Variants in BTBD19 observed in about 807,000 individuals in gnomAD.
BTBD19 encodes the protein BTB/POZ domain-containing protein 19.
A neutral mutation model predicts 36.1 loss-of-function variants in BTBD19; 20 were observed. The ratio of observed to expected loss-of-function variants is 0.55; its 90% CI spans 0.39 to 0.80. BTBD19 has a LOEUF of 0.80. Ranked by LOEUF, BTBD19 falls within the 30% of genes least tolerant of loss-of-function variation. The pLI is 0.00. For missense variants in BTBD19, 325 were observed against 389.8 expected (o/e 0.83, Z 1.40); for synonymous variants, 157 against 174.3 (o/e 0.90, Z 0.78).
In BTBD19 at chr1:44,813,763, C is replaced by T; in HGVS notation, c.867C>T (p.Ser289=). The change falls in exon 8 of 8, where the codon TCC becomes TCT. Residue 289 remains serine, a synonymous_variant. Transcript: ENST00000450269. The surrounding 1 kb of genome is among the most constrained non-coding windows in gnomAD (Gnocchi z 7.8). ...AGCATCACCGCTTTCTGGACCTGTC[C>T]TTCAAATGATCCAACGCCGGGACTC... The T allele has an allele frequency of 6.4e-7, 1 of 1,551,496 alleles. No homozygotes were observed. Among genetic ancestry groups the T allele is most frequent in the Non-Finnish European group, 8.7e-7 (1 of 1,146,868 alleles).
chr1:44,810,137 G>T lies in BTBD19; in HGVS notation c.87-76G>T, dbSNP rs895360011. 1 of 1,307,776 alleles carries T rather than the reference G, an allele frequency of 7.6e-7. No individual in the cohort carries two copies. The highest frequency in any genetic ancestry group is 1.5e-5 in the African/African-American group (1 of 68,048). 81.0% of individuals were successfully genotyped at this position (1,307,776 alleles called of 1,614,324 possible). ...TCTGGTTAGGAAACTAAGACCCAGA[G>T]TGGGCAAAGGCACAGCCCAAGTTGC... On this transcript the variant is annotated intron_variant, in intron 1 of 7. Transcript: ENST00000450269. This position sits in a 1 kb window ranked among gnomAD's most constrained non-coding sequence, Gnocchi z 4.2.
chr1:44,810,868 G>A lies in BTBD19; in HGVS notation c.354+261G>A. The A allele has an allele frequency of 3.0e-6, 1 of 328,878 alleles. No individual in the cohort carries two copies. Among genetic ancestry groups the A allele is most frequent in the East Asian group, 8.4e-5 (1 of 11,924 alleles). 20.4% of individuals were successfully genotyped at this position (328,878 alleles called of 1,614,324 possible). On this transcript the variant is annotated intron_variant, in intron 3 of 7. Coordinates refer to ENST00000450269, the Ensembl canonical transcript of BTBD19. This position sits in a 1 kb window ranked among gnomAD's most constrained non-coding sequence, Gnocchi z 4.2. ...TACAAAGATATCAGCCTTGATCCGT[G>A]TTCTCCAGAGAGGGAGAGGAGACAG...
At chr1:44,814,148 C>CTCTTTCTTTCTTTCTGTCTTTCTT (rs1557635265), downstream of BTBD19, 215 of 159,376 alleles carry the variant, frequency 1.3e-3, 12 homozygotes, top group East Asian at 1.8e-3. Flanking sequence ...CTTTTTCTTT[C>CTCTTTCTTTCTTTCTGTCTTTCTT]TCTTTCTTTC....
At chr1:44,814,172 T>G (rs528701709), downstream of BTBD19, 13 of 140,716 alleles carry the variant, frequency 9.2e-5, no homozygotes, top group South Asian at 1.1e-3. Flanking sequence ...CTTTCTTTCT[T>G]TCTTTCTTTC....
intron 1 of BTBD19, 133 bp downstream of exon 1, chr1:44,809,039 A>G: frequency 1.4e-6 from 1 of 711,514 alleles, no homozygotes. Context: ...GGCTATGGGG[A>G]GGTCAAATGT....
Position 44,813,706 on chromosome 1 carries a change from G to T in BTBD19, c.810G>T (p.Pro270=). Residue 270 remains proline (P), a synonymous_variant, in exon 8 of 8, where the codon CCG becomes CCT. Coordinates refer to ENST00000450269, the Ensembl canonical transcript of BTBD19. This position sits in a 1 kb window ranked among gnomAD's most constrained non-coding sequence, Gnocchi z 7.8. ...GAGGGGATGAGGCCCGGGGCGCCCC[G>T]TGTCGCCGCCGGAGAGGCACCCTGC... 1 of 1,551,436 alleles carries T rather than the reference G, an allele frequency of 6.4e-7. No homozygotes were observed. Among genetic ancestry groups the T allele is most frequent in the Non-Finnish European group, 8.7e-7 (1 of 1,146,836 alleles).
In BTBD19 at chr1:44,813,081, ACTC is replaced by A. The variant is rs1452217018; in HGVS notation, c.483+21_483+23del. On this transcript the variant is annotated intron_variant, in intron 5 of 7. Coordinates refer to ENST00000450269, the Ensembl canonical transcript of BTBD19. The surrounding 1 kb of genome is among the most constrained non-coding windows in gnomAD (Gnocchi z 7.8). ...CACAGCCAGGTACTGCTCCCTTCAT[ACTC>A]CTCACCCTACGCACCGCATTCTGCT... is the stretch of plus-strand genomic sequence containing the variant. 2.6e-6 allele frequency: 4 copies of A among 1,548,302 alleles called. No individual in the cohort carries two copies. In the East Asian group the frequency reaches 7.4e-5, roughly 28 times the overall value.
intron 3 of BTBD19, 149 bp from the exon 4 acceptor site, chr1:44,811,890 C>T: frequency 2.0e-6 from 1 of 510,508 alleles, no homozygotes; most frequent in Non-Finnish European, 3.6e-6. Context: ...CAGGCTCTAG[C>T]AATTCCCTGC....
chr1:44,813,696 G>A lies in BTBD19; in HGVS notation c.800G>A (p.Arg267Gln), dbSNP rs375499398. 2.3e-4 allele frequency: 361 copies of A among 1,551,440 alleles called. No homozygotes were observed. Among genetic ancestry groups the A allele is most frequent in the Non-Finnish European group, 3.0e-4 (340 of 1,146,834 alleles). ...GCCCTGCGGAGAGGGGATGAGGCCC[G>A]GGGCGCCCCGTGTCGCCGCCGGAGA... Residue 267 changes from arginine (R) to glutamine (Q), a missense_variant, in exon 8 of 8, where the codon CGG becomes CAG. Coordinates refer to ENST00000450269, the Ensembl canonical transcript of BTBD19. The surrounding 1 kb of genome is among the most constrained non-coding windows in gnomAD (Gnocchi z 7.8).
chr1:44,813,174 G>C lies in BTBD19; in HGVS notation c.520G>C (p.Ala174Pro). Reference sequence around the variant, plus strand: ...GACCCGAGGCTTCCTGGAGCTGTCGGCGGCCGCGCTGCTGCCCCTGCTCCG... The same window carrying C: ...GACCCGAGGCTTCCTGGAGCTGTCGCCGGCCGCGCTGCTGCCCCTGCTCCG... Residue 174 changes from alanine (A) to proline (P), a missense_variant, in exon 6 of 8, where the codon GCG becomes CCG. Coordinates refer to ENST00000450269, the Ensembl canonical transcript of BTBD19. This position sits in a 1 kb window ranked among gnomAD's most constrained non-coding sequence, Gnocchi z 7.8. 6.5e-6 allele frequency: 10 copies of C among 1,540,172 alleles called. No homozygotes were observed. Among genetic ancestry groups the C allele is most frequent in the Non-Finnish European group, 8.7e-6 (10 of 1,144,698 alleles).
rs551225623 is a variant in BTBD19 at position 44,810,228 on chromosome 1, G to T, written c.102G>T (p.Val34=). ...TCTCCCACAGTGATGTTTGCTTCGT[G>T]GTTGGTCAAGAACGGCAGGAGGTAT... Residue 34 remains valine (V), a synonymous_variant, in exon 2 of 8, where the codon GTG becomes GTT. Transcript: ENST00000450269. This position sits in a 1 kb window ranked among gnomAD's most constrained non-coding sequence, Gnocchi z 4.2. The T allele has an allele frequency of 1.4e-5, 21 of 1,551,922 alleles. No individual in the cohort carries two copies. In the East Asian group the frequency reaches 4.4e-4, roughly 33 times the overall value.
rs1410731712 is a variant in BTBD19 at position 44,810,543 on chromosome 1, C to A, written c.301-11C>A. On this transcript the variant is annotated splice_polypyrimidine_tract_variant and intron_variant, in intron 2 of 7. Transcript: ENST00000450269. The surrounding 1 kb of genome is among the most constrained non-coding windows in gnomAD (Gnocchi z 4.2). ...AACTCCCTTCCACTCCCCCAACCACCCACTCTACAGGTGCTGGAAGTGCTG... is the reference window on the plus strand; with the variant it reads ...AACTCCCTTCCACTCCCCCAACCACACACTCTACAGGTGCTGGAAGTGCTG... 6.4e-7 allele frequency: 1 copy of A among 1,550,534 alleles called. No homozygotes were observed. Among genetic ancestry groups the A allele is most frequent in the Admixed American group, 2.0e-5 (1 of 50,990 alleles).
chr1:44,814,574 A>G (rs1652633036), downstream of BTBD19: 6 of 124,204 alleles, frequency 4.8e-5, no homozygotes, highest in South Asian at 1.5e-3. Flanking sequence ...TTTTTTTGAG[A>G]CAGAGTCTTG....
chr1:44,814,203 T>TTTC (rs1445452010), downstream of BTBD19: 2 of 137,820 alleles, frequency 1.5e-5, no homozygotes, highest in Admixed American at 7.5e-5. Flanking sequence ...TCTTTCTTTC[T>TTTC]TTCTTTCTTT....
chr1:44,813,155 A>G lies in BTBD19; in HGVS notation c.501A>G (p.Arg167=). 1 of 1,541,828 alleles carries G rather than the reference A, an allele frequency of 6.5e-7. No individual in the cohort carries two copies. The highest frequency in any genetic ancestry group is 8.7e-7 in the Non-Finnish European group (1 of 1,144,464). Residue 167 remains arginine, a synonymous_variant, in exon 6 of 8, where the codon CGA becomes CGG. Transcript: ENST00000450269. This position sits in a 1 kb window ranked among gnomAD's most constrained non-coding sequence, Gnocchi z 7.8. Reference sequence around the variant, plus strand: ...GCTCGCAGGAGGCCCTCCGGACCCGAGGCTTCCTGGAGCTGTCGGCGGCCG... The same window carrying G: ...GCTCGCAGGAGGCCCTCCGGACCCGGGGCTTCCTGGAGCTGTCGGCGGCCG...
chr1:44,812,217 T>G (rs1438530434), intron 4 of BTBD19, 119 bp downstream of exon 4: 1 of 683,594 alleles, frequency 1.5e-6, no homozygotes, highest in East Asian at 6.6e-5. Context: ...TACATGGTGG[T>G]GGTGGGGGTG....
chr1:44,814,068 T>C (rs1243707354), exon 8 of BTBD19: 9 of 561,258 alleles, frequency 1.6e-5, no homozygotes, highest in Non-Finnish European at 2.6e-5. Context: ...CCCCTGGGCA[T>C]TGTCGTCTAC....
At position 44,810,797 on chromosome 1, in the gene BTBD19, T is replaced by G; in HGVS notation, c.354+190T>G. 2.4e-6 allele frequency: 1 copy of G among 415,618 alleles called. No individual in the cohort carries two copies. The highest frequency in any genetic ancestry group is 4.6e-6 in the Non-Finnish European group (1 of 219,718). 25.7% of individuals were successfully genotyped at this position (415,618 alleles called of 1,614,324 possible). A position where few individuals can be genotyped will look rare whatever the true frequency, so the allele number is the denominator to read the frequency against. On this transcript the variant is annotated intron_variant, in intron 3 of 7. Transcript: ENST00000450269. The surrounding 1 kb of genome is among the most constrained non-coding windows in gnomAD (Gnocchi z 4.2). The stretch of plus-strand genomic sequence containing the variant: ...CAAAAGGATCCATGCATGCCTGCCC[T>G]GTGTGTGCTGTGGGAAGAGGGGGTG...
At chr1:44,811,670 T>TG (rs1652422459) in intron 3 of BTBD19, 1 of 276,736 alleles carries the variant, frequency 3.6e-6, no homozygotes, top group Admixed American at 4.2e-5. Flanking sequence ...AGTCAAGAGA[T>TG]GAGAGATGTC....
Sources: gnomAD v4.1 joint callset for allele counts on GRCh38, gnomAD v4.1.1 for gene constraint, Gnocchi (gnomAD v3.1) non-coding constraint, MANE v1.5 for transcripts, NCBI Gene and HGNC (gene_info 2026-07-23, HGNC 2026-07-21) for gene names.